HIVEP3: variants seen among roughly 807,000 people sequenced by gnomAD.
The protein encoded by HIVEP3 is HIVEP zinc finger 3.
HIVEP3 carries 49 observed loss-of-function variants against 152.8 expected under a neutral mutation model. The ratio of observed to expected loss-of-function variants is 0.32; its 90% CI spans 0.26 to 0.41. The LOEUF (loss-of-function observed/expected upper bound fraction) is 0.41. Ranked by LOEUF, HIVEP3 falls within the 10% of genes least tolerant of loss-of-function variation. The probability of loss-of-function intolerance (pLI) is 1.00; values close to 1 mark genes in which losing one functional copy is unlikely to be tolerated. For missense variants in HIVEP3, 2,790 were observed against 3,103.3 expected, an observed-to-expected ratio of 0.90 and a Z score of 2.40; for synonymous variants, 1,269 against 1,289.0, an observed-to-expected ratio of 0.98 and a Z score of 0.33.
intron 1 of HIVEP3, among the ~76,000 whole-genome samples, chr1:41,821,628 A>G (rs114614869): frequency 0.016 from 2,384 of 152,244 alleles, 78 homozygotes; most frequent in African/African-American, 0.055. Context: ...TCTCTTCAAA[A>G]TACTCACCCA....
intron 3 of HIVEP3, among the ~76,000 whole-genome samples, chr1:41,617,880 C>CT (rs35118758): frequency 0.48 from 73,660 of 151,982 alleles, 18,076 homozygotes; most frequent in Non-Finnish European, 0.51. Context: ...TTCTAAGCAT[C>CT]TTTTAGTTCA....
intron 1 of HIVEP3, among the ~76,000 whole-genome samples, chr1:41,865,914 T>C (rs1643961706): frequency 6.6e-6 from 1 of 152,170 alleles, no homozygotes; most frequent in Non-Finnish European, 1.5e-5. Flanking sequence ...TTTGAGCTCA[T>C]AAATAGGTCC....
At chr1:41,776,798 C>T (rs1344130532) in intron 1 of HIVEP3, among the ~76,000 whole-genome samples, 1 of 152,200 alleles carries the variant, frequency 6.6e-6, no homozygotes, top group African/African-American at 2.4e-5. Flanking sequence ...TTTCTGGAAA[C>T]CCCTTCAGCT....
In HIVEP3 at chr1:41,513,491, C is replaced by A. The variant is rs140035336; in HGVS notation, c.5730G>T (p.Thr1910=). Residue 1910 remains threonine (T), a synonymous_variant, in exon 8 of 9, where the codon ACG becomes ACT. Transcript: ENST00000372583. ...AGACCGAGCTGCCTCGTGTAGCCTC[C>A]GTGCCAGAGGCGGGGGCATCTGGGG... ...PQPPDAPASG[T]EATRGSSVSE... 2 of 1,609,052 alleles carry A rather than the reference C, an allele frequency of 1.2e-6. No individual in the cohort carries two copies. Among genetic ancestry groups the A allele is most frequent in the Non-Finnish European group, 1.7e-6 (2 of 1,178,452 alleles).
chr1:41,633,975 T>G lies in HIVEP3; in HGVS notation c.-720-5028A>C, dbSNP rs115200954. 5.7e-3 allele frequency among the ~76,000 whole-genome samples: 865 copies of G among 152,290 alleles called. 14 individuals are homozygous for G. The highest frequency in any genetic ancestry group is 0.02 in the African/African-American group (823 of 41,550). The stretch of plus-strand genomic sequence containing the variant: ...TGCTTGGAATCAAATTGACATTCAA[T>G]TTGGTATCTGCATCATTTACAACAG... On this transcript the variant is annotated intron_variant, in intron 2 of 8. Transcript: ENST00000372583.
intron 1 of HIVEP3, among the ~76,000 whole-genome samples, chr1:41,724,807 G>A (rs901563789): frequency 3.9e-5 from 6 of 152,228 alleles, no homozygotes; most frequent in Non-Finnish European, 7.3e-5. Context: ...CAGGTGAGAC[G>A]GTTCTGTTCC....
At chr1:41,939,360 T>C (rs1157935380) in intron 1 of HIVEP3, among the ~76,000 whole-genome samples, 1 of 152,198 alleles carries the variant, frequency 6.6e-6, no homozygotes, top group Non-Finnish European at 1.5e-5. Context: ...ATAAAGGGGT[T>C]AGAACCTTAG....
In HIVEP3 at chr1:41,580,628, A is replaced by T. The variant is rs761429227; in HGVS notation, c.4170T>A (p.Ala1390=). The change falls in exon 4 of 9, where the codon GCT becomes GCA. Residue 1390 remains alanine, a synonymous_variant. Coordinates refer to ENST00000372583, the MANE Select transcript of HIVEP3 (RefSeq NM_024503.5). ...GCACTCTCAGGTATGGAGTTGGGAA[A>T]GCTCTGCTTTGCTCTTCACTTAACC... ...PSGLSEEQSR[A]FPTPYLRVPV... 6.2e-7 allele frequency: 1 copy of T among 1,614,128 alleles called. No individual in the cohort carries two copies. The highest frequency in any genetic ancestry group is 8.5e-7 in the Non-Finnish European group (1 of 1,180,038).
intron 1 of HIVEP3, among the ~76,000 whole-genome samples, chr1:41,715,970 G>A (rs563212636): frequency 3.3e-4 from 51 of 152,314 alleles, no homozygotes; most frequent in African/African-American, 1.0e-3. Context: ...GTGGGGCCCC[G>A]AGCAACCGAT....
chr1:41,546,702 A>G (rs1417538984), intron 5 of HIVEP3, among the ~76,000 whole-genome samples: 5 of 152,184 alleles, frequency 3.3e-5, no homozygotes, highest in African/African-American at 1.2e-4. Flanking sequence ...TGGCCTTGCT[A>G]CAGATGACCA....
intron 2 of HIVEP3, among the ~76,000 whole-genome samples, chr1:41,675,252 C>T (rs945815367): frequency 5.9e-5 from 9 of 152,192 alleles, no homozygotes; most frequent in African/African-American, 1.7e-4. Context: ...CCTGCCACAT[C>T]TCCCCCTCGA....
chr1:41,975,181 G>A (rs1359591513), intron 1 of HIVEP3, among the ~76,000 whole-genome samples: 1 of 152,184 alleles, frequency 6.6e-6, no homozygotes, highest in African/African-American at 2.4e-5. Flanking sequence ...ATCAGCAGGG[G>A]CCTCACTGTG....
intron 1 of HIVEP3, among the ~76,000 whole-genome samples, chr1:41,794,155 C>T (rs1379805722): frequency 2.6e-5 from 4 of 152,194 alleles, no homozygotes; most frequent in Non-Finnish European, 5.9e-5. Flanking sequence ...CTGGGGATGC[C>T]TCACAATCAT....
Position 41,700,928 on chromosome 1 carries a change from A to G in HIVEP3, c.-733T>C. The G allele has an allele frequency of 1.0e-6, 1 of 985,416 alleles. No homozygotes were observed. The highest frequency in any genetic ancestry group is 5.2e-4 in the Middle Eastern group (1 of 1,912). The allele number at this position is 985,416 out of a possible 1,614,324, so 61.0% of individuals were successfully genotyped here. A position where few individuals can be genotyped will look rare whatever the true frequency, so the allele number is the denominator to read the frequency against. ...GGGGAGGGCTCACCTGCCAAAAACCAGCCGTGGTCTCATGGTCAAGATGTG... is the reference window on the plus strand; with the variant it reads ...GGGGAGGGCTCACCTGCCAAAAACCGGCCGTGGTCTCATGGTCAAGATGTG... On this transcript the variant is annotated 5_prime_UTR_variant, in exon 2 of 9. Coordinates refer to ENST00000372583, the MANE Select transcript of HIVEP3 (RefSeq NM_024503.5).
chr1:41,868,941 C>A (rs1212539002), intron 1 of HIVEP3, among the ~76,000 whole-genome samples: 2 of 152,142 alleles, frequency 1.3e-5, no homozygotes, highest in Non-Finnish European at 2.9e-5. Flanking sequence ...GAATTTCTCC[C>A]CTTTTGTAAG....
intron 2 of HIVEP3, among the ~76,000 whole-genome samples, chr1:41,667,856 C>T (rs1023709494): frequency 2.0e-5 from 3 of 152,096 alleles, no homozygotes; most frequent in Non-Finnish European, 4.4e-5. Flanking sequence ...ATTAGTCACT[C>T]AATAAAGAAG....
At chr1:41,635,171 A>C in intron 2 of HIVEP3, among the ~76,000 whole-genome samples, 1 of 152,346 alleles carries the variant, frequency 6.6e-6, no homozygotes, top group East Asian at 1.9e-4. Context: ...GATGCACATG[A>C]CAATTTAAAA....
chr1:41,639,436 A>G lies in HIVEP3; in HGVS notation c.-720-10489T>C, dbSNP rs188580006. ...TCACTTTCCTCATGAGTCAGAAGTGAAGACTCTCACCCCCTCCCTGGGTTT... is the reference window on the plus strand; with the variant it reads ...TCACTTTCCTCATGAGTCAGAAGTGGAGACTCTCACCCCCTCCCTGGGTTT... On this transcript the variant is annotated intron_variant, in intron 2 of 8. Coordinates refer to ENST00000372583, the MANE Select transcript of HIVEP3 (RefSeq NM_024503.5). Among the ~76,000 whole-genome samples, 162 of 152,320 alleles carry G rather than the reference A, an allele frequency of 1.1e-3. 2 individuals carry two copies. The highest frequency in any genetic ancestry group is 1.2e-3 in the South Asian group (6 of 4,826).
intron 1 of HIVEP3, among the ~76,000 whole-genome samples, chr1:41,962,733 T>TA (rs1382059202): frequency 1.3e-5 from 2 of 152,074 alleles, no homozygotes; most frequent in Non-Finnish European, 2.9e-5. Flanking sequence ...AAGACAATAA[T>TA]AAAAAAAATT....
Sources: allele counts gnomAD v4.1 joint callset (sites outside exome capture counted in the v4.1 genomes callset), GRCh38; gene constraint gnomAD v4.1.1; transcripts MANE v1.5; gene names NCBI Gene and HGNC (gene_info 2026-07-23, HGNC 2026-07-21).